Variants in CDH16 observed in about 807,000 individuals in gnomAD.
CDH16 encodes the protein cadherin 16.
CDH16 carries 79 observed loss-of-function variants against 87.6 expected under a neutral mutation model. The ratio of observed to expected loss-of-function variants is 0.90; its 90% CI spans 0.75 to 1.09. The LOEUF (loss-of-function observed/expected upper bound fraction) is 1.09, where lower values mean the gene tolerates loss of function less well. Among genes scored for constraint, CDH16 ranks in the 50% least tolerant of loss-of-function variants. The probability of loss-of-function intolerance (pLI) is 0.00; values close to 1 mark genes in which losing one functional copy is unlikely to be tolerated. For missense variants in CDH16, 1,124 were observed against 1,071.7 expected, an observed-to-expected ratio of 1.05 and a Z score of -0.68; for synonymous variants, 457 against 439.5, an observed-to-expected ratio of 1.04 and a Z score of -0.50.
In CDH16 at chr16:66,916,370, C is replaced by G; in HGVS notation, c.189G>C (p.Lys63Asn). The G allele has an allele frequency of 6.2e-7, 1 of 1,614,004 alleles. No homozygotes were observed. Among genetic ancestry groups the G allele is most frequent in the Non-Finnish European group, 8.5e-7 (1 of 1,179,904 alleles). Residue 63 changes from lysine to asparagine, a missense_variant, in exon 4 of 18, where the codon AAG becomes AAC. Transcript: ENST00000299752. This position sits in a 1 kb window ranked among gnomAD's most constrained non-coding sequence, Gnocchi z 4.1. ...CCATAGCAAATGGGCCCTCAGTTGC[C>G]TTGCCTGAGTCCCCTGACAGCACGA... ...GQIVLSGDSG[K>N]ATEGPFAMDP...
At chr16:66,913,407 G>T in intron 8 of CDH16, 84 bp downstream of exon 8, 1 of 1,597,954 alleles carries the variant, frequency 6.3e-7, no homozygotes, top group Non-Finnish European at 8.5e-7. Flanking sequence ...CTCAGCCTCT[G>T]TTGTAGTTGT....
In CDH16 at chr16:66,917,727, T is replaced by A; in HGVS notation, c.46-2A>T. ...TGCAGGCTGGGCCTTGGGGAGAGCC[T>A]GTGGGAGGATTCTCACCTTGTCACC... On this transcript the variant is annotated splice_acceptor_variant, in intron 2 of 17. Transcript: ENST00000299752. LOFTEE classifies it high-confidence loss of function. 10 of 1,607,876 alleles carry A rather than the reference T, an allele frequency of 6.2e-6. No individual in the cohort carries two copies. The highest frequency in any genetic ancestry group is 8.5e-6 in the Non-Finnish European group (10 of 1,176,512).
At position 66,912,395 on chromosome 16, in the gene CDH16, G is replaced by T; in HGVS notation, c.1395C>A (p.Pro465=). The part of the protein sequence containing the change: ...GPISLPEDVE[P]GTLVAMLTAI... ...CTGTTAGCATGGCCACCAGAGTCCC[G>T]GGCTCCACATCCTCAGGGAGGCTTA... is the stretch of plus-strand genomic sequence containing the variant. The change falls in exon 12 of 18, where the codon CCC becomes CCA. Residue 465 remains proline, a synonymous_variant. Transcript: ENST00000299752. 1 of 1,614,014 alleles carries T rather than the reference G, an allele frequency of 6.2e-7. No individual in the cohort carries two copies. Among genetic ancestry groups the T allele is most frequent in the Non-Finnish European group, 8.5e-7 (1 of 1,179,926 alleles).
In CDH16 at chr16:66,912,495, T is replaced by A; in HGVS notation, c.1359+9A>T. 6.2e-7 allele frequency: 1 copy of A among 1,614,132 alleles called. No homozygotes were observed. Among genetic ancestry groups the A allele is most frequent in the Admixed American group, 1.7e-5 (1 of 60,014 alleles). ...CCTTCCCAAGGCCTTCTCCCCTGCG[T>A]CTGCTTACCTGGGAAGTGATGAACT... On this transcript the variant is annotated intron_variant, in intron 11 of 17. Transcript: ENST00000299752.
In CDH16 at chr16:66,909,296, C is replaced by A. The variant is rs771950454; in HGVS notation, c.2363G>T (p.Gly788Val). 1 of 1,613,190 alleles carries A rather than the reference C, an allele frequency of 6.2e-7. No individual in the cohort carries two copies. The part of the protein sequence containing the change: ...KGMPTKLSAV[G>V]ILVGTLVAIG... Reference sequence around the variant, plus strand: ...TGCTACCAGGGTGCCTACAAGGATGCCCACTGCCGACAGCTTCGTGGGCAT... The same window carrying A: ...TGCTACCAGGGTGCCTACAAGGATGACCACTGCCGACAGCTTCGTGGGCAT... Residue 788 changes from glycine to valine, a missense_variant, in exon 17 of 18, where the codon GGC (glycine) becomes GTC (valine). Coordinates refer to ENST00000299752, the MANE Select transcript of CDH16 (RefSeq NM_004062.4). The surrounding 1 kb of genome is among the most constrained non-coding windows in gnomAD (Gnocchi z 4.1).
At chr16:66,915,764 C>T (rs938518128) in intron 5 of CDH16, among the ~76,000 whole-genome samples, 2 of 152,156 alleles carry the variant, frequency 1.3e-5, no homozygotes, top group African/African-American at 2.4e-5. Context: ...GGCATGGTGG[C>T]GGGTGCCTGT....
At position 66,916,121 on chromosome 16, in the gene CDH16, A is replaced by G. The variant is rs770327482; in HGVS notation, c.368T>C (p.Val123Ala). 1.9e-6 allele frequency: 3 copies of G among 1,614,174 alleles called. No individual in the cohort carries two copies. The South Asian group carries it at 3.3e-5, about 18-fold the overall frequency. The part of the protein sequence containing the change: ...LVHVKDENDQ[V>A]PHFSQAIYRA... ...GTAGATGGCTTGAGAGAAATGGGGC[A>G]CCTGGTCATTCTCATCCTTCACGTG... Residue 123 changes from valine to alanine, a missense_variant, in exon 5 of 18, where the codon GTG becomes GCG. Val to Ala is a moderately conservative substitution (Grantham distance 64). Coordinates refer to ENST00000299752, the MANE Select transcript of CDH16 (RefSeq NM_004062.4). This position sits in a 1 kb window ranked among gnomAD's most constrained non-coding sequence, Gnocchi z 4.1.
chr16:66,908,448 T>A lies in CDH16; in HGVS notation c.2434A>T (p.Arg812Trp). 4.3e-6 allele frequency: 7 copies of A among 1,614,096 alleles called. No homozygotes were observed. The highest frequency in any genetic ancestry group is 5.9e-6 in the Non-Finnish European group (7 of 1,179,982). ...GCTGGTTGATCCGGGTCCTTCTTCC[T>A]TGACATGGTCCAGTGGGTGAAAATG... ...ILIFTHWTMSRKKDPDQPADS... is the reference protein window; with the variant it reads ...ILIFTHWTMSWKKDPDQPADS... Residue 812 changes from arginine to tryptophan, a missense_variant, in exon 18 of 18, where the codon AGG becomes TGG. Physicochemically the swap from Arg to Trp is moderately radical, Grantham distance 101. Transcript: ENST00000299752.
Position 66,913,266 on chromosome 16 carries a change from G to T in CDH16, c.919C>A (p.Arg307=). The change falls in exon 9 of 18, where the codon CGG becomes AGG. Residue 307 remains arginine, a synonymous_variant. Transcript: ENST00000299752. ...EAQAEYLLQV[R]AQNSHGEDYA... ...TCCTCGCCATGGGAATTCTGAGCCC[G>T]CACCTGGAGCAGGTACTGCGGTGGG... 6.4e-7 allele frequency: 1 copy of T among 1,555,354 alleles called. No individual in the cohort carries two copies.
Position 66,915,252 on chromosome 16 carries a change from G to A in CDH16, c.551C>T (p.Pro184Leu). Residue 184 changes from proline to leucine, a missense_variant, in exon 6 of 18, where the codon CCT (proline) becomes CTT (leucine). Transcript: ENST00000299752. ...QPSPDMFQLEPRLGALALSPK... is the reference protein window; with the variant it reads ...QPSPDMFQLELRLGALALSPK... ...GCTGAGGGCCAGAGCCCCCAGCCGA[G>A]GCTCCAGCTGGAACATGTCTGGGGA... The A allele has an allele frequency of 1.9e-6, 3 of 1,613,270 alleles. No individual in the cohort carries two copies. Among genetic ancestry groups the A allele is most frequent in the Non-Finnish European group, 2.5e-6 (3 of 1,179,878 alleles).
intron 14 of CDH16, 107 bp downstream of exon 14, chr16:66,911,075 G>T: frequency 8.9e-7 from 1 of 1,122,542 alleles, no homozygotes. Flanking sequence ...TCCTGCTTGG[G>T]GCTGGGGGTT....
rs1596985362 is a variant in CDH16, at chr16:66,916,276, G to A, written c.283C>T (p.Gln95Ter). ...DREEQAEYQL[Q>*]VTLEMQDGHV... Reference sequence around the variant, plus strand: ...CCCTACACCTGGCCCAGCCATACCTGTAGCTGGTACTCTGCCTGCTCCTCT... The same window carrying A: ...CCCTACACCTGGCCCAGCCATACCTATAGCTGGTACTCTGCCTGCTCCTCT... Residue 95 changes from glutamine to a stop codon, truncating the protein, a stop_gained and splice_region_variant, in exon 4 of 18, where the codon CAG becomes TAG. Transcript: ENST00000299752. LOFTEE classifies it high-confidence loss of function. The surrounding 1 kb of genome is among the most constrained non-coding windows in gnomAD (Gnocchi z 4.1). 1 of 1,613,690 alleles carries A rather than the reference G, an allele frequency of 6.2e-7. No homozygotes were observed. The highest frequency in any genetic ancestry group is 1.3e-5 in the African/African-American group (1 of 75,032).
rs964181220 is a variant in CDH16, at chr16:66,915,929, G to A, written c.424+136C>T. The A allele has an allele frequency of 2.9e-6, 3 of 1,021,920 alleles. No individual in the cohort carries two copies. The African/African-American group carries it at 4.9e-5, about 17-fold the overall frequency. 63.3% of individuals were successfully genotyped at this position (1,021,920 alleles called of 1,614,324 possible). A position where few individuals can be genotyped will look rare whatever the true frequency, so the allele number is the denominator to read the frequency against. On this transcript the variant is annotated intron_variant, in intron 5 of 17. Coordinates refer to ENST00000299752, the MANE Select transcript of CDH16 (RefSeq NM_004062.4). ...AAAGAAAAAAAGAAAAGAAAAAAGA[G>A]AAAAGAAAAGAAAAAAGAAATGGGA...
In CDH16 at chr16:66,913,285, C is replaced by A. The variant is rs369573374; in HGVS notation, c.904-4G>T. On this transcript the variant is annotated splice_polypyrimidine_tract_variant and splice_region_variant and intron_variant, in intron 8 of 17. Coordinates refer to ENST00000299752, the MANE Select transcript of CDH16 (RefSeq NM_004062.4). Reference sequence around the variant, plus strand: ...GAGCCCGCACCTGGAGCAGGTACTGCGGTGGGCAGTAGGGGGCTTCAGGTC... The same window carrying A: ...GAGCCCGCACCTGGAGCAGGTACTGAGGTGGGCAGTAGGGGGCTTCAGGTC... The A allele has an allele frequency of 3.9e-6, 6 of 1,550,994 alleles. No homozygotes were observed. The highest frequency in any genetic ancestry group is 5.2e-6 in the Non-Finnish European group (6 of 1,147,618).
chr16:66,916,111 G>T lies in CDH16; in HGVS notation c.378C>A (p.Phe126Leu), dbSNP rs1405827243. 1.2e-6 allele frequency: 2 copies of T among 1,614,104 alleles called. No homozygotes were observed. Among genetic ancestry groups the T allele is most frequent in the African/African-American group, 1.3e-5 (1 of 74,932 alleles). ...GCCGAGCTCTGTAGATGGCTTGAGA[G>T]AAATGGGGCACCTGGTCATTCTCAT... ...VKDENDQVPH[F>L]SQAIYRARLS... The change falls in exon 5 of 18, where the codon TTC (phenylalanine) becomes TTA (leucine). Residue 126 changes from phenylalanine to leucine, a missense_variant. Transcript: ENST00000299752. This position sits in a 1 kb window ranked among gnomAD's most constrained non-coding sequence, Gnocchi z 4.1.
intron 13 of CDH16, 150 bp from the exon 14 acceptor site, chr16:66,911,465 C>G: frequency 1.3e-6 from 1 of 768,752 alleles, no homozygotes; most frequent in Non-Finnish European, 2.0e-6. Flanking sequence ...GTCTCTCTCT[C>G]CAGCTTCAGG....
At chr16:66,912,642 G>C (rs746619421) in intron 10 of CDH16, 22 bp downstream of exon 10, 1 of 1,613,850 alleles carries the variant, frequency 6.2e-7, no homozygotes, top group East Asian at 2.2e-5. Context: ...AGGGGGCCTG[G>C]GTCACCAATC....
intron 2 of CDH16, 54 bp downstream of exon 2, chr16:66,917,967 G>A (rs779341163): frequency 6.9e-7 from 1 of 1,445,462 alleles, no homozygotes; most frequent in South Asian, 1.3e-5. Context: ...TGGGGGCAAG[G>A]GTGTCAACCC....
Position 66,908,155 on chromosome 16 carries a change from G to A in CDH16, c.*237C>T. On this transcript the variant is annotated 3_prime_UTR_variant, in exon 18 of 18. Coordinates refer to ENST00000299752, the MANE Select transcript of CDH16 (RefSeq NM_004062.4). ...CCATAGGGCCCAGCCCAGTTCTCTG[G>A]GGCTTTATTATTGGGCAAACACCCT... The A allele has an allele frequency of 1.8e-6, 1 of 560,182 alleles. No homozygotes were observed. 34.7% of individuals were successfully genotyped at this position (560,182 alleles called of 1,614,324 possible).
Sources: allele counts gnomAD v4.1 joint callset (sites outside exome capture counted in the v4.1 genomes callset), GRCh38; gene constraint gnomAD v4.1.1; non-coding constraint Gnocchi (gnomAD v3.1); transcripts MANE v1.5; gene names NCBI Gene and HGNC (gene_info 2026-07-23, HGNC 2026-07-21).